The following RBFOX1 variants were observed in gnomAD, a reference collection of about 807,000 sequenced individuals.
RBFOX1 encodes RNA binding protein fox-1 homolog 1.
A neutral mutation model predicts 57.7 loss-of-function variants in RBFOX1; 8 were observed. That is an observed-to-expected ratio of 0.14 (90% CI 0.08 to 0.25). The LOEUF is 0.25. Among genes scored for constraint, RBFOX1 ranks in the 10% least tolerant of loss-of-function variants. The pLI is 1.00. For missense variants in RBFOX1, 611 were observed against 548.5 expected (o/e 1.11, Z -1.14); for synonymous variants, 326 against 222.4 (o/e 1.47, Z -4.15).
chr16:7,134,954 G>T (rs551489355), intron 4 of RBFOX1, among the ~76,000 whole-genome samples: 1 of 151,050 alleles, frequency 6.6e-6, no homozygotes, highest in African/African-American at 2.4e-5. Context: ...TTGATTAGCC[G>T]CGTTCCAAGA....
intron 3 of RBFOX1, among the ~76,000 whole-genome samples, chr16:5,661,602 A>G (rs1487197064): frequency 6.6e-6 from 1 of 152,222 alleles, no homozygotes; most frequent in East Asian, 1.9e-4. Flanking sequence ...TAATGATTTG[A>G]TGTACATACA....
At chr16:7,233,989 A>G (rs940759564) in intron 4 of RBFOX1, among the ~76,000 whole-genome samples, 1 of 152,178 alleles carries the variant, frequency 6.6e-6, no homozygotes, top group African/African-American at 2.4e-5. Context: ...GCTTAATTCT[A>G]TTTTGATACT....
intron 4 of RBFOX1, among the ~76,000 whole-genome samples, chr16:7,159,051 C>G (rs577376161): frequency 2.0e-5 from 3 of 152,048 alleles, no homozygotes; most frequent in Non-Finnish European, 2.9e-5. Context: ...CTGGCAACCA[C>G]TAACCTGTTC....
At chr16:6,984,050 C>G (rs757522647) in intron 3 of RBFOX1, among the ~76,000 whole-genome samples, 1 of 152,092 alleles carries the variant, frequency 6.6e-6, no homozygotes, top group Non-Finnish European at 1.5e-5. Flanking sequence ...GAGTTCAAGA[C>G]CTGTCTGATC....
intron 3 of RBFOX1, among the ~76,000 whole-genome samples, chr16:6,896,186 T>C (rs1034788321): frequency 2.6e-5 from 4 of 152,112 alleles, no homozygotes; most frequent in Admixed American, 2.6e-4. Flanking sequence ...GGCAGGAGAA[T>C]CACTTGAACC....
chr16:6,933,011 T>C (rs752644638), intron 3 of RBFOX1, among the ~76,000 whole-genome samples: 12 of 152,240 alleles, frequency 7.9e-5, no homozygotes, highest in Non-Finnish European at 1.5e-4. Flanking sequence ...TTTTTGTTAC[T>C]GGTTTATTTC....
chr16:6,738,521 T>C (rs1457883584), intron 3 of RBFOX1, among the ~76,000 whole-genome samples: 1 of 152,104 alleles, frequency 6.6e-6, no homozygotes, highest in Non-Finnish European at 1.5e-5. Context: ...AAAACAGATA[T>C]ATGAACCCAC....
At chr16:7,137,348 G>A (rs2072315916) in intron 4 of RBFOX1, among the ~76,000 whole-genome samples, 1 of 152,168 alleles carries the variant, frequency 6.6e-6, no homozygotes, top group Admixed American at 6.5e-5. Context: ...TGTTGTGGGA[G>A]GGAACTGGTG....
At chr16:6,732,388 C>T (rs558667664) in intron 3 of RBFOX1, among the ~76,000 whole-genome samples, 29 of 152,204 alleles carry the variant, frequency 1.9e-4, no homozygotes, top group Non-Finnish European at 3.8e-4. Context: ...AATCAGCTTC[C>T]CCAAGGCAGG....
chr16:6,490,187 CAATTT>C (rs892472666), intron 2 of RBFOX1, among the ~76,000 whole-genome samples: 1 of 152,016 alleles, frequency 6.6e-6, no homozygotes, highest in African/African-American at 2.4e-5. Context: ...AAAAGAAAAA[CAATTT>C]AAGTATATTT....
intron 3 of RBFOX1, among the ~76,000 whole-genome samples, chr16:7,040,588 C>T (rs1401289921): frequency 1.3e-5 from 2 of 152,136 alleles, no homozygotes; most frequent in African/African-American, 2.4e-5. Flanking sequence ...GTCTGGTTCC[C>T]AGGACATCAT....
At chr16:6,843,214 T>A (rs555580037) in intron 3 of RBFOX1, among the ~76,000 whole-genome samples, 1 of 152,102 alleles carries the variant, frequency 6.6e-6, no homozygotes, top group Admixed American at 6.6e-5. Context: ...AAAGAATGGG[T>A]GAAAATCTCT....
At chr16:7,654,478 G>A (rs1307459916) in intron 12 of RBFOX1, among the ~76,000 whole-genome samples, 1 of 152,194 alleles carries the variant, frequency 6.6e-6, no homozygotes, top group Non-Finnish European at 1.5e-5. Flanking sequence ...TTGGAGTTAA[G>A]ATGCGTTGCA....
At chr16:6,516,892 C>G (rs977277256) in intron 2 of RBFOX1, among the ~76,000 whole-genome samples, 1 of 152,100 alleles carries the variant, frequency 6.6e-6, no homozygotes, top group Non-Finnish European at 1.5e-5. Context: ...TGAAAAAGAG[C>G]CCCAGTCTTG....
chr16:6,216,686 G>A (rs887908606), intron 1 of RBFOX1, among the ~76,000 whole-genome samples: 13 of 152,248 alleles, frequency 8.5e-5, no homozygotes, highest in African/African-American at 3.1e-4. Context: ...CGCTTAGACA[G>A]ATATCCCCTT....
chr16:5,834,687 G>GATAGATAGA (rs2056395353), intron 3 of RBFOX1, among the ~76,000 whole-genome samples: 2 of 134,802 alleles, frequency 1.5e-5, no homozygotes, highest in Non-Finnish European at 3.1e-5. Context: ...AATGGGATAG[G>GATAGATAGA]TAGATAGATA....
chr16:6,411,709 C>T (rs146777582), intron 2 of RBFOX1, among the ~76,000 whole-genome samples: 29 of 152,308 alleles, frequency 1.9e-4, no homozygotes, highest in Non-Finnish European at 4.1e-4. Context: ...ACTGCATGCT[C>T]TCAGCTTTTA....
intron 3 of RBFOX1, among the ~76,000 whole-genome samples, chr16:5,636,416 G>C (rs1035733254): frequency 1.3e-5 from 2 of 152,154 alleles, no homozygotes; most frequent in African/African-American, 4.8e-5. Flanking sequence ...CACTTTACTG[G>C]TTATTGCAGT....
At chr16:7,658,218 G>A (rs2066806684) in intron 12 of RBFOX1, among the ~76,000 whole-genome samples, 1 of 152,028 alleles carries the variant, frequency 6.6e-6, no homozygotes, top group African/African-American at 2.4e-5. Flanking sequence ...TTTGCTTGTG[G>A]TTGAGTACAA....
Sources: gnomAD v4.1 joint callset for allele counts (sites outside exome capture counted in the v4.1 genomes callset) on GRCh38, gnomAD v4.1.1 for gene constraint, MANE v1.5 for transcripts, NCBI Gene and HGNC (gene_info 2026-07-23, HGNC 2026-07-21) for gene names.